The following NR3C2 variants were observed in gnomAD, a reference collection of about 807,000 sequenced individuals.
NR3C2 encodes nuclear receptor subfamily 3 group C member 2, also known as mineralocorticoid receptor.
In NR3C2, 15 loss-of-function variants were observed where a neutral mutation model predicts 86.4. That is an observed-to-expected ratio of 0.17 (90% confidence interval 0.12 to 0.27). The LOEUF is 0.27. Ranked by LOEUF, NR3C2 falls within the 10% of genes least tolerant of loss-of-function variation. NR3C2 has a pLI of 1.00. For missense variants in NR3C2, 960 were observed against 1,195.6 expected (o/e 0.80, Z 2.91); for synonymous variants, 458 against 450.5 (o/e 1.02, Z -0.21).
chr4:148,415,838 C>T (rs569884102), intron 2 of NR3C2, among the ~76,000 whole-genome samples: 42 of 152,254 alleles, frequency 2.8e-4, no homozygotes, highest in African/African-American at 1.0e-3. Context: ...AGAAACAATA[C>T]ATTCTCATTG....
chr4:148,154,938 TTA>T (rs1358245283), intron 4 of NR3C2, 37 bp from the exon 5 acceptor site: 2 of 1,508,582 alleles, frequency 1.3e-6, no homozygotes, highest in South Asian at 1.2e-5. Flanking sequence ...CAAATTAAAA[TTA>T]TGTTTGAAAT....
rs576398232 is a variant in NR3C2 at position 148,229,229 on chromosome 4, A to AAT, written c.1897+30747_1897+30748dup. Among the ~76,000 whole-genome samples the AAT allele has an allele frequency of 4.1e-4, 62 of 152,190 alleles. No homozygotes were observed. The East Asian group carries it at 9.3e-3, about 23-fold the overall frequency. On this transcript the variant is annotated intron_variant, in intron 3 of 8. Transcript: ENST00000358102. ...TGGACAATAAAGTGGAACCACCCGA[A>AAT]ATTCACGCCTTAGGCACTGGGAGAA...
chr4:148,122,481 G>A (rs1194837589), intron 6 of NR3C2, among the ~76,000 whole-genome samples: 1 of 152,152 alleles, frequency 6.6e-6, no homozygotes, highest in African/African-American at 2.4e-5. Context: ...GAGAGTCTCT[G>A]TATTTTAATA....
chr4:148,229,386 A>G (rs1738349143), intron 3 of NR3C2, among the ~76,000 whole-genome samples: 1 of 152,144 alleles, frequency 6.6e-6, no homozygotes, highest in South Asian at 2.1e-4. Context: ...TCACCCTTCA[A>G]TATTTCCTCA....
At chr4:148,294,589 AC>A in intron 2 of NR3C2, among the ~76,000 whole-genome samples, 1 of 152,144 alleles carries the variant, frequency 6.6e-6, no homozygotes, top group Admixed American at 6.6e-5. Context: ...AAGTACCTCA[AC>A]TGCAGATAAA....
At chr4:148,098,660 CTACAAA>C (rs1475917208) in intron 8 of NR3C2, among the ~76,000 whole-genome samples, 1 of 152,152 alleles carries the variant, frequency 6.6e-6, no homozygotes, top group Non-Finnish European at 1.5e-5. Flanking sequence ...GATTTTAGGG[CTACAAA>C]TACATTTTAG....
chr4:148,283,274 A>G (rs1395957343), intron 2 of NR3C2, among the ~76,000 whole-genome samples: 2 of 152,226 alleles, frequency 1.3e-5, no homozygotes, highest in African/African-American at 4.8e-5. Context: ...GAAAAACATA[A>G]GCACCATTGG....
intron 2 of NR3C2, among the ~76,000 whole-genome samples, chr4:148,347,718 A>G (rs1027062908): frequency 2.6e-5 from 4 of 152,130 alleles, no homozygotes; most frequent in Admixed American, 6.6e-5. Flanking sequence ...GCAGTGAACA[A>G]ACCAAATTTC....
chr4:148,202,395 T>C lies in NR3C2; in HGVS notation c.1898-7533A>G, dbSNP rs1736770485. On this transcript the variant is annotated intron_variant, in intron 3 of 8. Transcript: ENST00000358102. ...TTAATCTGGCTTGCCTGCCTCCACA[T>C]TGGCTTCATCCTTTTGTGGGAGAGC... 2.0e-5 allele frequency among the ~76,000 whole-genome samples: 3 copies of C among 152,342 alleles called. No individual in the cohort carries two copies. In the Middle Eastern group the frequency reaches 0.01, roughly 518 times the overall value.
intron 2 of NR3C2, among the ~76,000 whole-genome samples, chr4:148,374,311 T>C (rs1746567708): frequency 6.6e-6 from 1 of 152,182 alleles, no homozygotes; most frequent in Non-Finnish European, 1.5e-5. Flanking sequence ...AATTCCAGTC[T>C]CTTAAAAAGG....
chr4:148,303,193 T>A (rs763061160), intron 2 of NR3C2, among the ~76,000 whole-genome samples: 1 of 152,174 alleles, frequency 6.6e-6, no homozygotes, highest in Non-Finnish European at 1.5e-5. Context: ...ACTTTCACAT[T>A]TGACATTAAA....
At chr4:148,186,742 T>G (rs1735913459) in intron 4 of NR3C2, among the ~76,000 whole-genome samples, 1 of 151,690 alleles carries the variant, frequency 6.6e-6, no homozygotes. Context: ...ATATTTGTAG[T>G]AGTCTTTTAT....
intron 2 of NR3C2, among the ~76,000 whole-genome samples, chr4:148,426,350 A>T (rs985443575): frequency 2.0e-5 from 3 of 152,152 alleles, no homozygotes; most frequent in Admixed American, 6.5e-5. Flanking sequence ...GAAAACCACT[A>T]TCTCCCACTG....
At chr4:148,219,837 T>G (rs1737741467) in intron 3 of NR3C2, among the ~76,000 whole-genome samples, 1 of 152,246 alleles carries the variant, frequency 6.6e-6, no homozygotes, top group Admixed American at 6.5e-5. Flanking sequence ...GGAATTAACA[T>G]ACATTTTTAA....
chr4:148,420,003 T>G (rs891906639), intron 2 of NR3C2, among the ~76,000 whole-genome samples: 2 of 152,208 alleles, frequency 1.3e-5, no homozygotes, highest in African/African-American at 4.8e-5. Flanking sequence ...CACATCTTCC[T>G]GTGTTCTTAG....
chr4:148,188,732 C>T (rs991275197), intron 4 of NR3C2, among the ~76,000 whole-genome samples: 2 of 152,008 alleles, frequency 1.3e-5, no homozygotes, highest in African/African-American at 4.8e-5. Flanking sequence ...ATTTCTTTCT[C>T]TTGTCTGATC....
At chr4:148,427,685 T>A (rs1749615003) in intron 2 of NR3C2, among the ~76,000 whole-genome samples, 1 of 151,646 alleles carries the variant, frequency 6.6e-6, no homozygotes, top group Admixed American at 6.6e-5. Context: ...TAGACTGTAA[T>A]CAGAAAGAGG....
chr4:148,238,472 C>T (rs1387377938), intron 3 of NR3C2, among the ~76,000 whole-genome samples: 4 of 152,088 alleles, frequency 2.6e-5, no homozygotes, highest in African/African-American at 9.7e-5. Context: ...ATTTAAAAAT[C>T]GTAATAAATA....
chr4:148,200,200 C>A (rs985710701), intron 3 of NR3C2, among the ~76,000 whole-genome samples: 8 of 152,202 alleles, frequency 5.3e-5, no homozygotes, highest in African/African-American at 1.9e-4. Context: ...CAGCCACTTC[C>A]AGAGGTCGCC....
Sources: gnomAD v4.1 joint callset for allele counts (sites outside exome capture counted in the v4.1 genomes callset) on GRCh38, gnomAD v4.1.1 for gene constraint, MANE v1.5 for transcripts, NCBI Gene and HGNC (gene_info 2026-07-23, HGNC 2026-07-21) for gene names.